The following SLC38A11 variants were observed in gnomAD, a reference collection of about 807,000 sequenced individuals.
SLC38A11 encodes solute carrier family 38 member 11.
SLC38A11 carries 51 observed loss-of-function variants against 49.4 expected under a neutral mutation model. That is an observed-to-expected ratio of 1.03 (90% confidence interval 0.83 to 1.30). The LOEUF is 1.30. Ranked by LOEUF, SLC38A11 falls within the 50% of genes most tolerant of loss-of-function variation. The pLI, the probability that SLC38A11 is intolerant of heterozygous loss-of-function variation, is 0.00. For synonymous variants in SLC38A11, 203 were observed against 192.9 expected, an observed-to-expected ratio of 1.05 and a Z score of -0.43; for missense variants, 574 against 556.2, an observed-to-expected ratio of 1.03 and a Z score of -0.32.
intron 11 of SLC38A11, among the ~76,000 whole-genome samples, chr2:164,905,839 C>T (rs1684965936): frequency 6.6e-6 from 1 of 151,998 alleles, no homozygotes; most frequent in Non-Finnish European, 1.5e-5. Flanking sequence ...TCCTCCAGGG[C>T]CAGCTCAGAT....
chr2:164,927,686 A>G (rs1686697372), intron 7 of SLC38A11, among the ~76,000 whole-genome samples: 1 of 151,816 alleles, frequency 6.6e-6, no homozygotes, highest in Admixed American at 6.6e-5. Flanking sequence ...TCCCTTTTTG[A>G]CTCAACTTAT....
At chr2:164,940,228 T>TTATATATATATATATATA (rs5836006) in intron 5 of SLC38A11, among the ~76,000 whole-genome samples, 1 of 142,228 alleles carries the variant, frequency 7.0e-6, no homozygotes, top group Non-Finnish European at 1.5e-5. Flanking sequence ...ATAGAAAATT[T>TTATATATATATATATATA]TATATATATA....
chr2:164,910,441 G>A (rs559600634), intron 10 of SLC38A11, among the ~76,000 whole-genome samples: 13 of 152,088 alleles, frequency 8.5e-5, no homozygotes, highest in African/African-American at 3.1e-4. Context: ...GTAAAGTTTC[G>A]AAAGGCTCTT....
At chr2:164,914,988 G>A in intron 9 of SLC38A11, 124 bp downstream of exon 9, 1 of 855,520 alleles carries the variant, frequency 1.2e-6, no homozygotes, top group South Asian at 2.7e-5. Flanking sequence ...AGGGTAGAGA[G>A]AATGGGTGGA....
intron 7 of SLC38A11, among the ~76,000 whole-genome samples, chr2:164,932,580 C>T (rs1687080603): frequency 6.6e-6 from 1 of 152,032 alleles, no homozygotes; most frequent in Non-Finnish European, 1.5e-5. Flanking sequence ...ATGTCCTCTG[C>T]AGGAACGTGG....
Position 164,908,696 on chromosome 2 carries a change from C to G in SLC38A11, c.1039G>C (p.Val347Leu). ...HIVVTVMVIT[V>L]ATLVSLLIDC... Reference sequence around the variant, plus strand: ...ATCAGCAATGACACAAGCGTGGCTACAGTGATGACCATCACTGTTACAACA... The same window carrying G: ...ATCAGCAATGACACAAGCGTGGCTAGAGTGATGACCATCACTGTTACAACA... Residue 347 changes from valine (V) to leucine (L), a missense_variant, in exon 11 of 12, where the codon GTA becomes CTA. Val to Leu is a conservative substitution (Grantham distance 32). Coordinates refer to ENST00000685975, the MANE Select transcript of SLC38A11 (RefSeq NM_001351537.2). The G allele has an allele frequency of 6.2e-7, 1 of 1,610,928 alleles. No individual in the cohort carries two copies. The highest frequency in any genetic ancestry group is 8.5e-7 in the Non-Finnish European group (1 of 1,178,368).
At chr2:164,924,101 A>G (rs1036596230) in intron 7 of SLC38A11, among the ~76,000 whole-genome samples, 2 of 152,206 alleles carry the variant, frequency 1.3e-5, no homozygotes, top group Admixed American at 6.5e-5. Context: ...TAAAGAAAAT[A>G]TGGTACATAT....
rs769848527 is a variant in SLC38A11, at chr2:164,952,780, T to C, written c.156A>G (p.Gly52=). ...VNSIIGSGII[G]LPYSMKQAGF... The stretch of plus-strand genomic sequence containing the variant: ...CAGCTTGCTTCATTGAATAAGGCAA[T>C]CCTGAAAAAACATAAAATGCCCCAC... Residue 52 remains glycine, a splice_region_variant and synonymous_variant, in exon 3 of 12, where the codon GGA becomes GGG. Coordinates refer to ENST00000685975, the MANE Select transcript of SLC38A11 (RefSeq NM_001351537.2). 6 of 1,594,260 alleles carry C rather than the reference T, an allele frequency of 3.8e-6. No individual in the cohort carries two copies. In the Middle Eastern group the frequency reaches 5.0e-4, roughly 133 times the overall value.
intron 3 of SLC38A11, among the ~76,000 whole-genome samples, chr2:164,946,185 A>C (rs192971517): frequency 1.3e-5 from 2 of 152,274 alleles, no homozygotes; most frequent in Non-Finnish European, 2.9e-5. Context: ...AGAGTCAGAG[A>C]ATTTGTTTTA....
rs1350146378 is a variant in SLC38A11, at chr2:164,895,198, C to T, written c.*3239G>A. Among the ~76,000 whole-genome samples, 1 of 152,216 alleles carries T rather than the reference C, an allele frequency of 6.6e-6. No homozygotes were observed. The highest frequency in any genetic ancestry group is 2.4e-5 in the African/African-American group (1 of 41,466). On this transcript the variant is annotated 3_prime_UTR_variant, in exon 12 of 12. Coordinates refer to ENST00000685975, the MANE Select transcript of SLC38A11 (RefSeq NM_001351537.2). ...CTTTCTCTCCTGGTCTATGTGTTCT[C>T]TAGGTCACAGCATCTCTGGTCCACT...
rs754448817 is a variant in SLC38A11 at position 164,898,498 on chromosome 2, G to T, written c.1328C>A (p.Ser443Ter). 1 of 1,613,424 alleles carries T rather than the reference G, an allele frequency of 6.2e-7. No homozygotes were observed. The highest frequency in any genetic ancestry group is 8.5e-7 in the Non-Finnish European group (1 of 1,179,568). The change falls in exon 12 of 12, where the codon TCA becomes TAA. Residue 443 changes from serine to a stop codon, truncating the protein, a stop_gained. Coordinates refer to ENST00000685975, the MANE Select transcript of SLC38A11 (RefSeq NM_001351537.2). LOFTEE classifies it high-confidence loss of function. The part of the protein sequence containing the change: ...FPDNFSLTNT[S>*]ESHVQQTTQL... The stretch of plus-strand genomic sequence containing the variant: ...TGTTGTCTGCTGAACATGAGACTCT[G>T]AGGTATTTGTGAGAGAGAAATTGTC...
intron 11 of SLC38A11, among the ~76,000 whole-genome samples, chr2:164,904,666 G>C (rs1306320923): frequency 1.3e-5 from 2 of 152,142 alleles, no homozygotes; most frequent in Admixed American, 1.3e-4. Flanking sequence ...TTACTAAGAT[G>C]AAAGTTATTA....
chr2:164,927,099 T>C (rs905970924), intron 7 of SLC38A11, among the ~76,000 whole-genome samples: 3 of 152,158 alleles, frequency 2.0e-5, no homozygotes, highest in Non-Finnish European at 4.4e-5. Context: ...AGCACCCTTA[T>C]AAAAGTGCTT....
intron 5 of SLC38A11, among the ~76,000 whole-genome samples, chr2:164,940,539 T>A (rs1166640371): frequency 6.6e-6 from 1 of 151,140 alleles, no homozygotes; most frequent in Non-Finnish European, 1.5e-5. Context: ...AAAGATCCAG[T>A]CTTAAATAAG....
intron 7 of SLC38A11, among the ~76,000 whole-genome samples, chr2:164,926,537 C>T (rs1430756208): frequency 6.6e-6 from 1 of 151,440 alleles, no homozygotes; most frequent in East Asian, 2.0e-4. Flanking sequence ...GTTTATAAAT[C>T]ATGCTGCTAT....
intron 3 of SLC38A11, among the ~76,000 whole-genome samples, chr2:164,950,630 A>G (rs1688458654): frequency 6.6e-6 from 1 of 152,178 alleles, no homozygotes; most frequent in African/African-American, 2.4e-5. Context: ...ATAATTTTGT[A>G]TGCTCAGACA....
intron 11 of SLC38A11, among the ~76,000 whole-genome samples, chr2:164,905,724 G>A (rs993352507): frequency 1.3e-5 from 2 of 152,106 alleles, no homozygotes; most frequent in East Asian, 1.9e-4. Flanking sequence ...TGGGCTATTA[G>A]GTCATAACAG....
intron 11 of SLC38A11, among the ~76,000 whole-genome samples, chr2:164,906,052 A>C (rs1005499207): frequency 7.2e-5 from 11 of 152,156 alleles, no homozygotes; most frequent in African/African-American, 2.4e-4. Flanking sequence ...TACAAAAAAA[A>C]CTCATTCCTG....
chr2:164,951,636 C>T (rs560150841), intron 3 of SLC38A11, among the ~76,000 whole-genome samples: 1 of 152,270 alleles, frequency 6.6e-6, no homozygotes, highest in South Asian at 2.1e-4. Context: ...GAGTGTTGGG[C>T]AGGTCTTGGA....
Sources: gnomAD v4.1 joint callset for allele counts (sites outside exome capture counted in the v4.1 genomes callset) on GRCh38, gnomAD v4.1.1 for gene constraint, MANE v1.5 for transcripts, NCBI Gene and HGNC (gene_info 2026-07-23, HGNC 2026-07-21) for gene names.